MYZAP: variants seen among roughly 807,000 people sequenced by gnomAD.
MYZAP encodes GRINL1A complex locus upstream.
Under a neutral mutation model 69.4 loss-of-function variants are expected in MYZAP, and 66 were observed. The observed-to-expected ratio is 0.95, with a 90% confidence interval of 0.78 to 1.17. MYZAP has a LOEUF of 1.17. MYZAP is among the 50% of genes most tolerant of loss of function. MYZAP has a pLI of 0.00. For missense variants in MYZAP, 611 were observed against 556.2 expected, an observed-to-expected ratio of 1.10 and a Z score of -0.99; for synonymous variants, 256 against 205.9, an observed-to-expected ratio of 1.24 and a Z score of -2.09.
intron 8 of MYZAP, 119 bp from the exon 9 acceptor site, chr15:57,637,576 G>A (rs1336818565): frequency 1.9e-6 from 2 of 1,040,366 alleles, no homozygotes; most frequent in Non-Finnish European, 2.8e-6. Flanking sequence ...CTGAGCAGGT[G>A]TGTAAAACCC....
intron 2 of MYZAP, among the ~76,000 whole-genome samples, chr15:57,616,242 A>T (rs1484043249): frequency 2.0e-5 from 3 of 152,236 alleles, no homozygotes; most frequent in Non-Finnish European, 4.4e-5. Flanking sequence ...GGGCCAGGCA[A>T]GGTGGCTCAT....
In MYZAP at chr15:57,639,545, G is replaced by A. The variant is rs1209294145; in HGVS notation, c.1119G>A (p.Glu373=). 1.2e-6 allele frequency: 2 copies of A among 1,613,302 alleles called. No individual in the cohort carries two copies. The highest frequency in any genetic ancestry group is 8.5e-7 in the Non-Finnish European group (1 of 1,179,724). ...AGAAAGTCAAGCAGATGGTCGAGGA[G>A]GTAAGCATCTGCAAAAGGTCACAGG... The part of the protein sequence containing the change: ...QQKKVKQMVE[E]IESLKKKLQQ... Residue 373 remains glutamate, a splice_region_variant and synonymous_variant, in exon 10 of 13, where the codon GAG becomes GAA. Transcript: ENST00000267853.
chr15:57,637,779 G>A lies in MYZAP; in HGVS notation c.1013+5G>A. The stretch of plus-strand genomic sequence containing the variant: ...AACTGATTCTGACAAGGAAAGGTAA[G>A]ACGTAATGCCTTTCGTCTTGTAATG... On this transcript the variant is annotated splice_donor_5th_base_variant and intron_variant, in intron 9 of 12. Coordinates refer to ENST00000267853, the MANE Select transcript of MYZAP (RefSeq NM_001018100.5). 6.2e-7 allele frequency: 1 copy of A among 1,606,494 alleles called. No homozygotes were observed. Among genetic ancestry groups the A allele is most frequent in the South Asian group, 1.1e-5 (1 of 89,584 alleles).
At chr15:57,640,304 G>A (rs2037074064) in intron 10 of MYZAP, among the ~76,000 whole-genome samples, 1 of 152,218 alleles carries the variant, frequency 6.6e-6, no homozygotes, top group African/African-American at 2.4e-5. Context: ...ACATATTATT[G>A]TAGTTTTCTT....
chr15:57,625,879 C>T lies in MYZAP; in HGVS notation c.512C>T (p.Ser171Phe). The T allele has an allele frequency of 6.2e-7, 1 of 1,614,148 alleles. No individual in the cohort carries two copies. Among genetic ancestry groups the T allele is most frequent in the Non-Finnish European group, 8.5e-7 (1 of 1,180,006 alleles). Residue 171 changes from serine to phenylalanine, a missense_variant, in exon 5 of 13, where the codon TCC (serine) becomes TTC (phenylalanine). Coordinates refer to ENST00000267853, the MANE Select transcript of MYZAP (RefSeq NM_001018100.5). The stretch of plus-strand genomic sequence containing the variant: ...ATGAACTCAGCCTTGGCATCAGATT[C>T]CATTGGCCTGCAGGTACTCATCTGC... ...NAMNSALASD[S>F]IGLQKTLVDV...
chr15:57,651,755 C>T (rs1397175954), intron 10 of MYZAP, among the ~76,000 whole-genome samples: 1 of 152,186 alleles, frequency 6.6e-6, no homozygotes. Context: ...GCTAAGCCAG[C>T]AAAGTTCCTG....
chr15:57,645,443 C>T (rs1325347075), intron 10 of MYZAP, among the ~76,000 whole-genome samples: 1 of 152,042 alleles, frequency 6.6e-6, no homozygotes, highest in Non-Finnish European at 1.5e-5. Context: ...CAAAAGATGG[C>T]CTAGAAAAAT....
At chr15:57,635,728 G>A (rs2042697) in intron 8 of MYZAP, among the ~76,000 whole-genome samples, 1 of 152,092 alleles carries the variant, frequency 6.6e-6, no homozygotes, top group Non-Finnish European at 1.5e-5. Flanking sequence ...TGGCCAAATC[G>A]CTGTCTCACA....
At chr15:57,669,648 CTGA>C (rs1481721721) in intron 11 of MYZAP, among the ~76,000 whole-genome samples, 1 of 152,084 alleles carries the variant, frequency 6.6e-6, no homozygotes, top group East Asian at 1.9e-4. Flanking sequence ...GACTTTTGCC[CTGA>C]TGTTCATTAC....
chr15:57,616,776 C>T (rs1296468036), intron 2 of MYZAP, among the ~76,000 whole-genome samples: 2 of 141,794 alleles, frequency 1.4e-5, no homozygotes, highest in African/African-American at 5.3e-5. Flanking sequence ...CGCCACTACA[C>T]TGCAGCCTGG....
Position 57,621,667 on chromosome 15 carries a change from A to T in MYZAP, c.378A>T (p.Arg126Ser). The change falls in exon 4 of 13, where the codon AGA (arginine) becomes AGT (serine). Residue 126 changes from arginine to serine, a missense_variant. Arg to Ser is a moderately radical substitution (Grantham distance 110). Coordinates refer to ENST00000267853, the MANE Select transcript of MYZAP (RefSeq NM_001018100.5). Reference protein sequence around the residue: ...KRMYGDYDEMRQKIRQLTQEL... With the variant: ...KRMYGDYDEMSQKIRQLTQEL... ...TGTATGGAGACTATGATGAGATGAG[A>T]CAGAAGATTCGACAGCTCACCCAGG... 6.2e-7 allele frequency: 1 copy of T among 1,614,036 alleles called. No homozygotes were observed. Among genetic ancestry groups the T allele is most frequent in the Non-Finnish European group, 8.5e-7 (1 of 1,179,924 alleles).
chr15:57,605,088 C>T (rs1182634904), intron 2 of MYZAP, among the ~76,000 whole-genome samples: 1 of 152,100 alleles, frequency 6.6e-6, no homozygotes, highest in Non-Finnish European at 1.5e-5. Context: ...GGCCTGTGGT[C>T]CTGGCCGACC....
intron 12 of MYZAP, among the ~76,000 whole-genome samples, chr15:57,677,546 A>T (rs973738838): frequency 7.2e-5 from 11 of 152,256 alleles, no homozygotes; most frequent in Non-Finnish European, 1.6e-4. Flanking sequence ...TTCCTGGTTC[A>T]TACTTGGACT....
intron 2 of MYZAP, among the ~76,000 whole-genome samples, chr15:57,606,933 G>C (rs1417956900): frequency 1.3e-5 from 2 of 152,198 alleles, no homozygotes; most frequent in Non-Finnish European, 2.9e-5. Context: ...GCAGAGAGTG[G>C]AAGTGGTCAG....
chr15:57,591,927 A>G lies in MYZAP; in HGVS notation c.-108A>G, dbSNP rs1787313485. On this transcript the variant is annotated 5_prime_UTR_variant, in exon 1 of 13. Transcript: ENST00000267853. Reference sequence around the variant, plus strand: ...GCCTTCGCGGTGCAGCTGAGGCTGCAAGTAGCCGGCGCCGTCCCGCGTCGC... The same window carrying G: ...GCCTTCGCGGTGCAGCTGAGGCTGCGAGTAGCCGGCGCCGTCCCGCGTCGC... 6.7e-6 allele frequency: 7 copies of G among 1,041,678 alleles called. No homozygotes were observed. Among genetic ancestry groups the G allele is most frequent in the Non-Finnish European group, 8.4e-6 (7 of 828,870 alleles). 64.5% of individuals were successfully genotyped at this position (1,041,678 alleles called of 1,614,324 possible).
chr15:57,608,153 C>G (rs544157847), intron 2 of MYZAP, among the ~76,000 whole-genome samples: 1 of 152,332 alleles, frequency 6.6e-6, no homozygotes, highest in African/African-American at 2.4e-5. Flanking sequence ...ATTTCCAGGG[C>G]CCTGTTAGAG....
At chr15:57,629,088 C>CAAAAAAAAAAA in intron 5 of MYZAP, among the ~76,000 whole-genome samples, 1 of 115,078 alleles carries the variant, frequency 8.7e-6, no homozygotes, top group Non-Finnish European at 1.7e-5. Flanking sequence ...GTCTCAAAAA[C>CAAAAAAAAAAA]AAAAAAAAAA....
chr15:57,681,720 G>A (rs1236207519), intron 12 of MYZAP, among the ~76,000 whole-genome samples: 1 of 152,174 alleles, frequency 6.6e-6, no homozygotes, highest in African/African-American at 2.4e-5. Flanking sequence ...GGGAGGCAGA[G>A]GTTGCATTGA....
chr15:57,615,084 C>T (rs1238841787), intron 2 of MYZAP, among the ~76,000 whole-genome samples: 8 of 152,072 alleles, frequency 5.3e-5, no homozygotes, highest in South Asian at 2.1e-4. Context: ...GTCCTGGGGC[C>T]GTGCCCTTCC....
Sources: allele counts gnomAD v4.1 joint callset (sites outside exome capture counted in the v4.1 genomes callset), GRCh38; gene constraint gnomAD v4.1.1; transcripts MANE v1.5; gene names NCBI Gene and HGNC (gene_info 2026-07-23, HGNC 2026-07-21).